The following PCDH9 variants were observed in gnomAD, a reference collection of about 807,000 sequenced individuals.
PCDH9 encodes the protein protocadherin 9.
PCDH9 carries 24 observed loss-of-function variants against 70.6 expected under a neutral mutation model. The ratio of observed to expected loss-of-function variants is 0.34; its 90% CI spans 0.25 to 0.48. The LOEUF (loss-of-function observed/expected upper bound fraction) is 0.48. Ranked by LOEUF, PCDH9 falls within the 20% of genes least tolerant of loss-of-function variation. The pLI is 0.99. For missense variants in PCDH9, 1,281 were observed against 1,503.6 expected, an observed-to-expected ratio of 0.85 and a Z score of 2.45; for synonymous variants, 562 against 558.5, an observed-to-expected ratio of 1.01 and a Z score of -0.09.
At chr13:66,818,190 G>A (rs543510924) in intron 3 of PCDH9, among the ~76,000 whole-genome samples, 3 of 152,180 alleles carry the variant, frequency 2.0e-5, no homozygotes, top group African/African-American at 4.8e-5. Flanking sequence ...GTATAATTAC[G>A]TTCCTTTCTC....
At chr13:66,660,551 T>C (rs1310470049) in intron 3 of PCDH9, among the ~76,000 whole-genome samples, 1 of 152,188 alleles carries the variant, frequency 6.6e-6, no homozygotes, top group Admixed American at 6.5e-5. Flanking sequence ...ATCAAACTTC[T>C]TTGGTTGATG....
At chr13:67,064,743 G>A (rs1226268929) in intron 2 of PCDH9, among the ~76,000 whole-genome samples, 1 of 152,044 alleles carries the variant, frequency 6.6e-6, no homozygotes, top group Non-Finnish European at 1.5e-5. Flanking sequence ...GATGGAATTT[G>A]TTGACATTGC....
intron 4 of PCDH9, among the ~76,000 whole-genome samples, chr13:66,625,835 TG>T (rs1469167960): frequency 6.6e-6 from 1 of 151,908 alleles, no homozygotes; most frequent in Non-Finnish European, 1.5e-5. Flanking sequence ...TCATTTTTTT[TG>T]TATTTTTAGT....
At chr13:66,965,298 C>T (rs2083412749) in intron 2 of PCDH9, among the ~76,000 whole-genome samples, 1 of 152,060 alleles carries the variant, frequency 6.6e-6, no homozygotes, top group Non-Finnish European at 1.5e-5. Flanking sequence ...TTTTAAAGAG[C>T]ATACTCAAAT....
At chr13:66,745,495 C>A (rs767332386) in intron 3 of PCDH9, among the ~76,000 whole-genome samples, 29 of 152,086 alleles carry the variant, frequency 1.9e-4, no homozygotes, top group Non-Finnish European at 3.8e-4. Flanking sequence ...GTTCAAACAC[C>A]TCAGTACAAT....
chr13:66,622,770 G>C (rs964783735), intron 4 of PCDH9, among the ~76,000 whole-genome samples: 2 of 152,156 alleles, frequency 1.3e-5, no homozygotes, highest in South Asian at 2.1e-4. Context: ...CAGGCTGCCC[G>C]GGCAGGCAGT....
chr13:66,601,988 G>A lies in PCDH9; in HGVS notation c.3340+29222C>T, dbSNP rs1483736843. On this transcript the variant is annotated intron_variant, in intron 4 of 4. Transcript: ENST00000377865. The stretch of plus-strand genomic sequence containing the variant: ...TTACTATATTTTACTCTTTCTTTTA[G>A]CACATACTCCTTCTACTTATTAAAA... 3.4e-5 allele frequency among the ~76,000 whole-genome samples: 5 copies of A among 145,046 alleles called. 1 individual carries two copies. Among genetic ancestry groups the A allele is most frequent in the African/African-American group, 1.2e-4 (5 of 40,330 alleles).
intron 4 of PCDH9, among the ~76,000 whole-genome samples, chr13:66,387,169 T>C (rs552364381): frequency 2.2e-4 from 34 of 152,300 alleles, no homozygotes; most frequent in African/African-American, 8.2e-4. Flanking sequence ...TAATTATTGT[T>C]CCTCTCCTGA....
At chr13:66,657,828 T>C (rs2077953470) in intron 3 of PCDH9, among the ~76,000 whole-genome samples, 1 of 152,208 alleles carries the variant, frequency 6.6e-6, no homozygotes, top group South Asian at 2.1e-4. Flanking sequence ...AGCCTAATGC[T>C]TACTCTTTCA....
chr13:67,228,400 G>A lies in PCDH9; in HGVS notation c.41C>T (p.Ala14Val), dbSNP rs1166291287. ...RDFYLLAALIACLRLDSAIAQ... is the reference protein window; with the variant it reads ...RDFYLLAALIVCLRLDSAIAQ... ...TATTGCGGAATCCAGCCTTAAACAGGCAATCAGAGCAGCCAACAGGTAAAA... is the reference window on the plus strand; with the variant it reads ...TATTGCGGAATCCAGCCTTAAACAGACAATCAGAGCAGCCAACAGGTAAAA... Residue 14 changes from alanine (A) to valine (V), a missense_variant, in exon 2 of 5, where the codon GCC becomes GTC. Coordinates refer to ENST00000377865, the MANE Select transcript of PCDH9 (RefSeq NM_203487.3). The A allele has an allele frequency of 4.4e-5, 70 of 1,603,472 alleles. No homozygotes were observed. Among genetic ancestry groups the A allele is most frequent in the Non-Finnish European group, 5.2e-5 (61 of 1,175,686 alleles).
At chr13:66,388,367 A>C (rs1240955421) in intron 4 of PCDH9, among the ~76,000 whole-genome samples, 5 of 152,152 alleles carry the variant, frequency 3.3e-5, no homozygotes, top group Non-Finnish European at 5.9e-5. Flanking sequence ...TATTGGATTA[A>C]TATAGATTTC....
chr13:67,099,789 A>C (rs143448009), intron 2 of PCDH9, among the ~76,000 whole-genome samples: 91 of 152,312 alleles, frequency 6.0e-4, no homozygotes, highest in Admixed American at 3.2e-3. Flanking sequence ...CTCTAAGGAT[A>C]ATAACTTCGA....
intron 3 of PCDH9, among the ~76,000 whole-genome samples, chr13:66,703,866 A>C (rs2139113904): frequency 6.6e-6 from 1 of 152,246 alleles, no homozygotes; most frequent in East Asian, 1.9e-4. Context: ...GAGCCACTGC[A>C]CTCCAGCCTG....
intron 3 of PCDH9, among the ~76,000 whole-genome samples, chr13:66,750,958 T>G (rs146142694): frequency 6.6e-6 from 1 of 152,272 alleles, no homozygotes; most frequent in Non-Finnish European, 1.5e-5. Context: ...ATTAATGAAG[T>G]TGGATTTCTA....
intron 2 of PCDH9, chr13:67,222,236 TTTG>T (rs1175838844): frequency 1.1e-5 from 1 of 90,028 alleles, no homozygotes; most frequent in African/African-American, 3.2e-5. Flanking sequence ...GGCTGTAAAC[TTTG>T]TTGTTTTTTT....
chr13:67,068,539 A>G (rs1421991685), intron 2 of PCDH9, among the ~76,000 whole-genome samples: 1 of 152,150 alleles, frequency 6.6e-6, no homozygotes, highest in East Asian at 1.9e-4. Context: ...ATTGGTATCT[A>G]CATTTTTCAT....
chr13:66,607,745 C>T (rs184152995), intron 4 of PCDH9, among the ~76,000 whole-genome samples: 1 of 152,046 alleles, frequency 6.6e-6, no homozygotes, highest in African/African-American at 2.4e-5. Context: ...AGAGTGTTGG[C>T]TACAGTAAAG....
At chr13:67,016,958 G>GT (rs11407105) in intron 2 of PCDH9, among the ~76,000 whole-genome samples, 7,361 of 151,284 alleles carry the variant, frequency 0.049, 320 homozygotes, top group African/African-American at 0.12. Context: ...TTCTACTAGG[G>GT]TTTTTTTTTC....
intron 3 of PCDH9, among the ~76,000 whole-genome samples, chr13:66,806,901 T>A (rs1325436660): frequency 6.6e-6 from 1 of 152,122 alleles, no homozygotes; most frequent in Non-Finnish European, 1.5e-5. Context: ...GCCATTTGTA[T>A]CCATTTATGA....
Sources: gnomAD v4.1 joint callset for allele counts (sites outside exome capture counted in the v4.1 genomes callset) on GRCh38, gnomAD v4.1.1 for gene constraint, MANE v1.5 for transcripts, NCBI Gene and HGNC (gene_info 2026-07-23, HGNC 2026-07-21) for gene names.